Variants in RAI14 observed in about 807,000 individuals in gnomAD.
RAI14 encodes ankycorbin.
RAI14 carries 45 observed loss-of-function variants against 115.4 expected under a neutral mutation model. The observed-to-expected ratio is 0.39, with a 90% CI of 0.31 to 0.50. RAI14 has a LOEUF of 0.50. RAI14 is among the 20% of genes least tolerant of loss of function. RAI14 has a pLI of 0.85. For synonymous variants in RAI14, 371 were observed against 415.4 expected, an observed-to-expected ratio of 0.89 and a Z score of 1.30; for missense variants, 939 against 1,131.2, an observed-to-expected ratio of 0.83 and a Z score of 2.44.
At chr5:34,792,922 T>C (rs1388584332) in intron 3 of RAI14, among the ~76,000 whole-genome samples, 1 of 152,210 alleles carries the variant, frequency 6.6e-6, no homozygotes, top group Non-Finnish European at 1.5e-5. Context: ...ACAAGCATTC[T>C]GCAGCATAAT....
At chr5:34,665,677 T>G (rs1743149987) in intron 1 of RAI14, among the ~76,000 whole-genome samples, 1 of 152,074 alleles carries the variant, frequency 6.6e-6, no homozygotes, top group Admixed American at 6.6e-5. Flanking sequence ...TTTTTATCAG[T>G]CTCATGAGTT....
At chr5:34,782,237 G>A (rs1236467811) in intron 3 of RAI14, among the ~76,000 whole-genome samples, 1 of 152,134 alleles carries the variant, frequency 6.6e-6, no homozygotes, top group Non-Finnish European at 1.5e-5. Flanking sequence ...CCAGTTTATG[G>A]CCAGATTTGG....
At chr5:34,754,056 G>A (rs1364208311) in intron 2 of RAI14, among the ~76,000 whole-genome samples, 1 of 150,898 alleles carries the variant, frequency 6.6e-6, no homozygotes, top group Non-Finnish European at 1.5e-5. Context: ...ACTCCAGGCT[G>A]GGCAACAAGG....
intron 3 of RAI14, among the ~76,000 whole-genome samples, chr5:34,787,706 C>T (rs1050015159): frequency 6.6e-6 from 1 of 151,816 alleles, no homozygotes; most frequent in African/African-American, 2.4e-5. Context: ...ATACTAAAAG[C>T]AACTTAATTG....
intron 3 of RAI14, among the ~76,000 whole-genome samples, chr5:34,774,165 C>A (rs967115894): frequency 6.6e-6 from 1 of 151,126 alleles, no homozygotes; most frequent in African/African-American, 2.4e-5. Context: ...CCAGCCTGGC[C>A]AACATGGTGA....
intron 2 of RAI14, among the ~76,000 whole-genome samples, chr5:34,691,255 A>G (rs1561242661): frequency 6.6e-6 from 1 of 152,218 alleles, no homozygotes; most frequent in African/African-American, 2.4e-5. Flanking sequence ...TAATATTAAT[A>G]GTTCAGGAGC....
intron 4 of RAI14, among the ~76,000 whole-genome samples, chr5:34,802,669 C>T (rs1754412771): frequency 6.6e-6 from 1 of 152,042 alleles, no homozygotes; most frequent in South Asian, 2.1e-4. Context: ...CTTATATTCT[C>T]ATGGGGGAAA....
At chr5:34,718,068 G>T (rs1413993909) in intron 2 of RAI14, among the ~76,000 whole-genome samples, 1 of 152,070 alleles carries the variant, frequency 6.6e-6, no homozygotes, top group East Asian at 1.9e-4. Flanking sequence ...TGGCTGCAGG[G>T]TGTGGAAAAT....
chr5:34,800,285 T>C (rs565487442), intron 4 of RAI14, among the ~76,000 whole-genome samples: 1 of 152,350 alleles, frequency 6.6e-6, no homozygotes, highest in East Asian at 1.9e-4. Context: ...GTAAAAGGGT[T>C]CTTAGACTAC....
At chr5:34,787,726 A>C (rs112724647) in intron 3 of RAI14, among the ~76,000 whole-genome samples, 6,370 of 152,060 alleles carry the variant, frequency 0.042, 243 homozygotes, top group Non-Finnish European at 0.061. Context: ...GTGCATTTTT[A>C]AAATGGTGAT....
intron 2 of RAI14, among the ~76,000 whole-genome samples, chr5:34,731,144 A>G (rs1744119769): frequency 6.6e-6 from 1 of 152,254 alleles, no homozygotes; most frequent in Non-Finnish European, 1.5e-5. Context: ...GGGAAATACA[A>G]CAAAATGCTC....
chr5:34,757,918 C>T (rs72730579), intron 3 of RAI14: 17,778 of 178,882 alleles, frequency 0.099, 1,114 homozygotes, highest in Non-Finnish European at 0.13. Flanking sequence ...TCCTATAACC[C>T]TCAAACCTTA....
chr5:34,752,064 G>T (rs572355275), intron 2 of RAI14, among the ~76,000 whole-genome samples: 1 of 152,288 alleles, frequency 6.6e-6, no homozygotes, highest in East Asian at 1.9e-4. Context: ...AAGCACCCAG[G>T]TGATTCTTGT....
chr5:34,749,484 T>C (rs898475267), intron 2 of RAI14, among the ~76,000 whole-genome samples: 1 of 152,244 alleles, frequency 6.6e-6, no homozygotes, highest in Non-Finnish European at 1.5e-5. Flanking sequence ...GGTGATGCCA[T>C]GTCTGGCCAA....
chr5:34,757,655 T>G, intron 3 of RAI14, 57 bp downstream of exon 3: 1 of 1,544,804 alleles, frequency 6.5e-7, no homozygotes, highest in Non-Finnish European at 8.7e-7. Flanking sequence ...GGGTGTTCTC[T>G]GGAATCCTTA....
At chr5:34,686,163 T>C (rs1744847307) in intron 1 of RAI14, among the ~76,000 whole-genome samples, 1 of 152,158 alleles carries the variant, frequency 6.6e-6, no homozygotes, top group African/African-American at 2.4e-5. Flanking sequence ...GCACAGAAGA[T>C]ATGTTGAGGA....
At chr5:34,725,552 C>T (rs1743339941) in intron 2 of RAI14, among the ~76,000 whole-genome samples, 1 of 151,784 alleles carries the variant, frequency 6.6e-6, no homozygotes, top group Non-Finnish European at 1.5e-5. Context: ...AAAATGGCTA[C>T]CAGTCTTTAT....
chr5:34,725,958 T>A (rs6880536), intron 2 of RAI14, among the ~76,000 whole-genome samples: 21 of 143,390 alleles, frequency 1.5e-4, no homozygotes, highest in African/African-American at 3.1e-4. Context: ...GCGAAACTGC[T>A]TCTCAAAAAA....
intron 1 of RAI14, among the ~76,000 whole-genome samples, chr5:34,679,330 T>A (rs2149869606): frequency 6.6e-6 from 1 of 152,348 alleles, no homozygotes; most frequent in Middle Eastern, 3.4e-3. Context: ...ATTCATTCAT[T>A]CATCATTGAT....
Sources: gnomAD v4.1 joint callset for allele counts (sites outside exome capture counted in the v4.1 genomes callset) on GRCh38, gnomAD v4.1.1 for gene constraint, MANE v1.5 for transcripts, NCBI Gene and HGNC (gene_info 2026-07-23, HGNC 2026-07-21) for gene names.